The following MAP2K7 variants were observed in gnomAD, a reference collection of about 807,000 sequenced individuals.
MAP2K7 encodes the protein mitogen-activated protein kinase kinase 7.
In MAP2K7, 12 loss-of-function variants were observed where a neutral mutation model predicts 47.7. The ratio of observed to expected loss-of-function variants is 0.25; its 90% CI spans 0.16 to 0.41. MAP2K7 has a LOEUF of 0.41. Among genes scored for constraint, MAP2K7 ranks in the 10% least tolerant of loss-of-function variants. MAP2K7 has a pLI of 1.00. For missense variants in MAP2K7, 415 were observed against 600.3 expected (o/e 0.69, Z 3.23); for synonymous variants, 299 against 243.0 (o/e 1.23, Z -2.14).
Position 7,912,331 on chromosome 19 carries a change from A to C in MAP2K7, c.1160A>C (p.Glu387Ala). The change falls in exon 11 of 11, where the codon GAG becomes GCG. Residue 387 changes from glutamate (E) to alanine (A), a missense_variant. Physicochemically the swap from Glu to Ala is moderately radical, Grantham distance 107. Transcript: ENST00000397979. ...TTCATCAAGCGCTACGAGACGCTGG[A>C]GGTGGACGTGGCGTCCTGGTTCAAG... The part of the protein sequence containing the change: ...HSFIKRYETL[E>A]VDVASWFKDV... The C allele has an allele frequency of 6.2e-7, 1 of 1,613,566 alleles. No homozygotes were observed. Among genetic ancestry groups the C allele is most frequent in the Non-Finnish European group, 8.5e-7 (1 of 1,179,980 alleles).
At chr19:7,908,829 G>A (rs1043471647) in intron 1 of MAP2K7, among the ~76,000 whole-genome samples, 24 of 152,054 alleles carry the variant, frequency 1.6e-4, no homozygotes, top group African/African-American at 5.8e-4. Flanking sequence ...GCCCCTCTCT[G>A]GCCTGTCTCT....
At chr19:7,909,724 C>G in intron 1 of MAP2K7, 31 bp from the exon 2 acceptor site, 2 of 1,458,460 alleles carry the variant, frequency 1.4e-6, no homozygotes, top group Admixed American at 4.2e-5. Flanking sequence ...GCGCTGACCC[C>G]CCTCCCTGCC....
chr19:7,904,134 GC>G (rs2145125718), intron 1 of MAP2K7, 66 bp downstream of exon 1: 2 of 1,178,984 alleles, frequency 1.7e-6, no homozygotes, highest in East Asian at 3.7e-5. Context: ...GGGAGGCCCC[GC>G]CCCCACCACA....
At chr19:7,910,947 C>T (rs757987893) in intron 6 of MAP2K7, 33 bp from the exon 7 acceptor site, 2 of 1,598,514 alleles carry the variant, frequency 1.3e-6, no homozygotes, top group Non-Finnish European at 1.7e-6. Context: ...TCTGTGCCCC[C>T]TGCCACATGC....
At chr19:7,909,936 T>C in intron 2 of MAP2K7, 40 bp downstream of exon 2, 4 of 1,502,282 alleles carry the variant, frequency 2.7e-6, no homozygotes, top group Non-Finnish European at 3.6e-6. Context: ...GGAAGCAGCA[T>C]TGAGGGGCCA....
In MAP2K7 at chr19:7,910,609, C is replaced by G. The variant is rs747715448; in HGVS notation, c.567+37C>G. ...GCCGCGCCCTGCAGCGTCTCCTCCT[C>G]CCTCACCCCTGCCCCTTCCTAGGGA... On this transcript the variant is annotated intron_variant, in intron 5 of 10. Transcript: ENST00000397979. 1.9e-6 allele frequency: 3 copies of G among 1,612,572 alleles called. No individual in the cohort carries two copies. The East Asian group carries it at 6.7e-5, about 36-fold the overall frequency.
rs1025636770 is a variant in MAP2K7, at chr19:7,912,929, C to T, written c.*498C>T. On this transcript the variant is annotated 3_prime_UTR_variant, in exon 11 of 11. Coordinates refer to ENST00000397979, the MANE Select transcript of MAP2K7 (RefSeq NM_145185.4). ...TCTGGCCTGAGCCTGGGCCCAGCCA[C>T]CTCCTGACGGGTCCCCTGGGTCTGC... The T allele has an allele frequency of 5.9e-6, 1 of 168,198 alleles. No individual in the cohort carries two copies. The allele number at this position is 168,198 out of a possible 1,614,324, so 10.4% of individuals were successfully genotyped here. A position where few individuals can be genotyped will look rare whatever the true frequency, so the allele number is the denominator to read the frequency against.
chr19:7,912,282 C>A lies in MAP2K7; in HGVS notation c.1126-15C>A, dbSNP rs780307459. ...AGACCGTCTCCTCCTAAGCCCCACC[C>A]CCTCGGGCCCACAGGAACACAGCTT... On this transcript the variant is annotated splice_polypyrimidine_tract_variant and intron_variant, in intron 10 of 10. Transcript: ENST00000397979. 1.2e-6 allele frequency: 2 copies of A among 1,613,650 alleles called. No individual in the cohort carries two copies. The highest frequency in any genetic ancestry group is 1.7e-6 in the Non-Finnish European group (2 of 1,179,874).
At chr19:7,910,647 G>T (rs767515756) in intron 5 of MAP2K7, 49 bp from the exon 6 acceptor site, 23 of 1,608,456 alleles carry the variant, frequency 1.4e-5, no homozygotes, top group Non-Finnish European at 1.7e-5. Flanking sequence ...AGAGCCTCTG[G>T]GGGGTGGGCC....
intron 1 of MAP2K7, 100 bp downstream of exon 1, chr19:7,904,168 G>A: frequency 1.0e-6 from 1 of 1,001,964 alleles, no homozygotes; most frequent in Non-Finnish European, 1.2e-6. Context: ...CGCTTCCGGG[G>A]CGCTCGCTCT....
At chr19:7,908,414 A>G (rs189081985) in intron 1 of MAP2K7, among the ~76,000 whole-genome samples, 28 of 152,208 alleles carry the variant, frequency 1.8e-4, no homozygotes, top group African/African-American at 6.3e-4. Context: ...ATTGGGACTG[A>G]GGCGTCTTCC....
At position 7,913,781 on chromosome 19, in the gene MAP2K7, CACAA is replaced by C. The variant is rs1983098829; in HGVS notation, c.*1352_*1355del. On this transcript the variant is annotated 3_prime_UTR_variant, in exon 11 of 11. Transcript: ENST00000397979. Reference sequence around the variant, plus strand: ...AAAACAAAAAACAAGAAAAAAAAAACACAAAACCCCGTAAAATCACAAAGAAAAT... The same window carrying C: ...AAAACAAAAAACAAGAAAAAAAAAACAACCCCGTAAAATCACAAAGAAAAT... 1 of 151,924 alleles carries C rather than the reference CACAA, an allele frequency of 6.6e-6. No homozygotes were observed. The highest frequency in any genetic ancestry group is 2.4e-5 in the African/African-American group (1 of 41,240). 9.4% of individuals were successfully genotyped at this position (151,924 alleles called of 1,614,324 possible). A position where few individuals can be genotyped will look rare whatever the true frequency, so the allele number is the denominator to read the frequency against.
rs1304198760 is a variant in MAP2K7, at chr19:7,914,440, C to T, written c.*2009C>T. ...AAACAAAATGCCCTCGTTTGTAAAC[C>T]CTTAGACGCTTGAGAATAAACCCCT... On this transcript the variant is annotated 3_prime_UTR_variant, in exon 11 of 11. Transcript: ENST00000397979. 1 of 152,292 alleles carries T rather than the reference C, an allele frequency of 6.6e-6. No individual in the cohort carries two copies. The highest frequency in any genetic ancestry group is 1.5e-5 in the Non-Finnish European group (1 of 68,074). The allele number at this position is 152,292 out of a possible 1,614,324, so 9.4% of individuals were successfully genotyped here. A position where few individuals can be genotyped will look rare whatever the true frequency, so the allele number is the denominator to read the frequency against.
At chr19:7,908,626 G>A (rs112478165) in intron 1 of MAP2K7, among the ~76,000 whole-genome samples, 192 of 152,142 alleles carry the variant, frequency 1.3e-3, no homozygotes, top group African/African-American at 4.2e-3. Flanking sequence ...TTTGGAGAGC[G>A]GCAGGCCCCA....
At chr19:7,908,227 C>T (rs1982589181) in intron 1 of MAP2K7, among the ~76,000 whole-genome samples, 1 of 151,694 alleles carries the variant, frequency 6.6e-6, no homozygotes, top group South Asian at 2.1e-4. Context: ...GCCAGGACAG[C>T]GGGAGGGGCA....
At chr19:7,910,912 C>T (rs997539428) in intron 6 of MAP2K7, 68 bp from the exon 7 acceptor site, 97 of 1,582,936 alleles carry the variant, frequency 6.1e-5, no homozygotes, top group Middle Eastern at 1.7e-4. Context: ...CCAGGTGGGG[C>T]GTGCACCGGG....
In MAP2K7 at chr19:7,909,899, G is replaced by C. The variant is rs1052848127; in HGVS notation, c.266+3G>C. The stretch of plus-strand genomic sequence containing the variant: ...TTCACACCCCGCAGCATGGAGAGGT[G>C]AGCCAGGGGCCCAGCAGGGTTGGGT... On this transcript the variant is annotated splice_donor_region_variant and intron_variant, in intron 2 of 10. Transcript: ENST00000397979. The C allele has an allele frequency of 6.6e-6, 10 of 1,514,600 alleles. No individual in the cohort carries two copies. The highest frequency in any genetic ancestry group is 8.0e-6 in the Non-Finnish European group (9 of 1,127,652). 93.8% of individuals were successfully genotyped at this position (1,514,600 alleles called of 1,614,324 possible).
rs572540625 is a variant in MAP2K7 at position 7,908,903 on chromosome 19, C to T, written c.125-852C>T. Among the ~76,000 whole-genome samples the T allele has an allele frequency of 3.6e-3, 541 of 152,238 alleles. 5 individuals are homozygous for T. The highest frequency in any genetic ancestry group is 0.012 in the African/African-American group (519 of 41,548). The stretch of plus-strand genomic sequence containing the variant: ...TCCTGTCTGTCTGTCTGTCTCCTGC[C>T]CTCCCACCCCTAATGCCGCCTGCCC... On this transcript the variant is annotated intron_variant, in intron 1 of 10. Coordinates refer to ENST00000397979, the MANE Select transcript of MAP2K7 (RefSeq NM_145185.4).
At chr19:7,911,402 T>C (rs369355634) in intron 8 of MAP2K7, 34 bp from the exon 9 acceptor site, 2 of 1,613,150 alleles carry the variant, frequency 1.2e-6, no homozygotes, top group African/African-American at 2.7e-5. Context: ...GAGGAGAACA[T>C]AAACCTGTCC....
Sources: gnomAD v4.1 joint callset for allele counts (sites outside exome capture counted in the v4.1 genomes callset) on GRCh38, gnomAD v4.1.1 for gene constraint, MANE v1.5 for transcripts, NCBI Gene and HGNC (gene_info 2026-07-23, HGNC 2026-07-21) for gene names.